Variants in LLGL2 observed in about 807,000 individuals in gnomAD.
LLGL2 encodes the protein LLGL scribble cell polarity complex component 2.
A neutral mutation model predicts 123.2 loss-of-function variants in LLGL2; 81 were observed. The observed-to-expected ratio is 0.66, with a 90% CI of 0.55 to 0.79. The LOEUF (loss-of-function observed/expected upper bound fraction) is 0.79, where lower values mean the gene tolerates loss of function less well. Ranked by LOEUF, LLGL2 falls within the 30% of genes least tolerant of loss-of-function variation. LLGL2 has a pLI of 0.00. For synonymous variants in LLGL2, 577 were observed against 594.1 expected (o/e 0.97, Z 0.42); for missense variants, 1,273 against 1,414.6 (o/e 0.90, Z 1.61).
At chr17:75,545,885 AGAT>A (rs1346322793) in intron 2 of LLGL2, among the ~76,000 whole-genome samples, 1 of 152,192 alleles carries the variant, frequency 6.6e-6, no homozygotes, top group Admixed American at 6.5e-5. Flanking sequence ...CAGCACTCAC[AGAT>A]GATATTTGAG....
Position 75,570,983 on chromosome 17 carries a change from G to T in LLGL2, c.2059G>T (p.Gly687Cys). Reference protein sequence around the residue: ...QEGSAKAERPGLQNMELAPVQ... With the variant: ...QEGSAKAERPCLQNMELAPVQ... ...GGGGAGTGCCAAGGCTGAGCGGCCA[G>T]GCCTCCAGAACATGGAGCTGGCGCC... Residue 687 changes from glycine to cysteine, a missense_variant, in exon 17 of 26, where the codon GGC (glycine) becomes TGC (cysteine). Transcript: ENST00000392550. 1 of 1,612,558 alleles carries T rather than the reference G, an allele frequency of 6.2e-7. No homozygotes were observed. Among genetic ancestry groups the T allele is most frequent in the Non-Finnish European group, 8.5e-7 (1 of 1,179,688 alleles).
At chr17:75,570,278 C>T (rs773318892) in intron 15 of LLGL2, 23 bp downstream of exon 15, 41 of 1,597,668 alleles carry the variant, frequency 2.6e-5, no homozygotes, top group Non-Finnish European at 3.3e-5. Flanking sequence ...GGCTGGGTCC[C>T]GGGGCTGGGA....
At chr17:75,573,457 G>A (rs754709487) in intron 20 of LLGL2, 24 bp from the exon 21 acceptor site, 45 of 1,595,230 alleles carry the variant, frequency 2.8e-5, no homozygotes, top group African/African-American at 1.1e-4. Context: ...AGGCCAGGCC[G>A]CTAGCATTGC....
chr17:75,566,115 G>A (rs1014299749), intron 10 of LLGL2, among the ~76,000 whole-genome samples: 4 of 152,242 alleles, frequency 2.6e-5, no homozygotes, highest in African/African-American at 9.6e-5. Context: ...GGGACCTGGG[G>A]TGCAGACTGA....
chr17:75,546,615 C>CT (rs2054438196), intron 2 of LLGL2, among the ~76,000 whole-genome samples: 1 of 41,788 alleles, frequency 2.4e-5, no homozygotes, highest in African/African-American at 6.4e-5. Context: ...AGCAGACAGG[C>CT]GGAGGGCAGG....
chr17:75,570,422 T>G lies in LLGL2; in HGVS notation c.1949T>G (p.Leu650Trp). ...LSRVKSLKKSLRQSFRRMRRS... is the reference protein window; with the variant it reads ...LSRVKSLKKSWRQSFRRMRRS... ...CGCGTCAAGTCCCTCAAGAAGTCCT[T>G]GCGTCAGTCATTCCGCCGGATGCGT... The change falls in exon 16 of 26, where the codon TTG (leucine) becomes TGG (tryptophan). Residue 650 changes from leucine to tryptophan, a missense_variant. Transcript: ENST00000392550. 12 of 1,608,206 alleles carry G rather than the reference T, an allele frequency of 7.5e-6. No individual in the cohort carries two copies. The highest frequency in any genetic ancestry group is 1.0e-5 in the Non-Finnish European group (12 of 1,178,100).
In LLGL2 at chr17:75,570,164, G is replaced by T. The variant is rs759341750; in HGVS notation, c.1783G>T (p.Ala595Ser). ...GCCCCCGGCTGTGGTCACCTCCTTG[G>T]CCCTGCACTCTGAGTGGCGGCTCGT... ...CQPPAVVTSLALHSEWRLVAF... is the reference protein window; with the variant it reads ...CQPPAVVTSLSLHSEWRLVAF... The change falls in exon 15 of 26, where the codon GCC becomes TCC. Residue 595 changes from alanine to serine, a missense_variant. Transcript: ENST00000392550. The T allele has an allele frequency of 6.3e-7, 1 of 1,594,342 alleles. No individual in the cohort carries two copies. The highest frequency in any genetic ancestry group is 1.1e-5 in the South Asian group (1 of 88,696).
At chr17:75,552,387 G>A (rs1805472398) in intron 2 of LLGL2, among the ~76,000 whole-genome samples, 1 of 152,194 alleles carries the variant, frequency 6.6e-6, no homozygotes, top group South Asian at 2.1e-4. Flanking sequence ...TCCTCAGGAG[G>A]CTGAGGCGGG....
At chr17:75,571,420 C>T (rs376856563) in intron 17 of LLGL2, 46 of 586,146 alleles carry the variant, frequency 7.8e-5, no homozygotes, top group African/African-American at 4.6e-4. Flanking sequence ...GCAGCTGTGA[C>T]GATCGGGGAC....
At chr17:75,571,121 T>TG (rs764035220) in intron 17 of LLGL2, 21 bp downstream of exon 17, 7 of 931,330 alleles carry the variant, frequency 7.5e-6, no homozygotes, top group Middle Eastern at 2.3e-4. Flanking sequence ...AGCCTGGGGT[T>TG]GGGGGGCAGG....
Position 75,559,073 on chromosome 17 carries a change from G to T in LLGL2, c.372-179G>T. 2 of 688,874 alleles carry T rather than the reference G, an allele frequency of 2.9e-6. No individual in the cohort carries two copies. The highest frequency in any genetic ancestry group is 4.7e-6 in the Non-Finnish European group (2 of 423,912). 42.7% of individuals were successfully genotyped at this position (688,874 alleles called of 1,614,324 possible). ...GCGTCTTTCCTGCCTCCTAGCCCAG[G>T]CTCTCTGCCATCTGTCTCCTGTCTT... is the stretch of plus-strand genomic sequence containing the variant. On this transcript the variant is annotated intron_variant, in intron 5 of 25. Coordinates refer to ENST00000392550, the MANE Select transcript of LLGL2 (RefSeq NM_001031803.2). This position sits in a 1 kb window ranked among gnomAD's most constrained non-coding sequence, Gnocchi z 4.6.
chr17:75,563,873 G>A (rs1000101001), intron 9 of LLGL2, 67 bp downstream of exon 9: 1 of 1,515,670 alleles, frequency 6.6e-7, no homozygotes, highest in South Asian at 1.1e-5. Context: ...GGTCACTTAG[G>A]CCTCTGCCTG....
At chr17:75,569,159 A>G in intron 13 of LLGL2, 28 bp downstream of exon 13, 1 of 1,612,908 alleles carries the variant, frequency 6.2e-7, no homozygotes, top group Non-Finnish European at 8.5e-7. Flanking sequence ...GGACCCAGGA[A>G]GGGCAGAGGC....
rs768986085 is a variant in LLGL2, at chr17:75,573,502, C to A, written c.2747C>A (p.Ser916Ter). 6.2e-7 allele frequency: 1 copy of A among 1,611,698 alleles called. No individual in the cohort carries two copies. ...YGQGFYLISP[S>*]EFERFSLSTK... is the part of the protein sequence containing the mutation. ...CCAGGCTTCTACCTGATCTCACCCT[C>A]GGAGTTTGAGCGCTTCTCTCTCTCC... Residue 916 changes from serine (S) to a stop codon, truncating the protein, a stop_gained, in exon 21 of 26, where the codon TCG becomes TAG. Coordinates refer to ENST00000392550, the MANE Select transcript of LLGL2 (RefSeq NM_001031803.2). LOFTEE classifies it high-confidence loss of function.
intron 6 of LLGL2, among the ~76,000 whole-genome samples, chr17:75,561,650 G>A (rs2147429788): frequency 6.6e-6 from 1 of 152,144 alleles, no homozygotes; most frequent in South Asian, 2.1e-4. Context: ...GCCGGGCGCG[G>A]TGGCTCACGC....
At chr17:75,537,976 A>T (rs561208905) in intron 1 of LLGL2, among the ~76,000 whole-genome samples, 9 of 152,014 alleles carry the variant, frequency 5.9e-5, no homozygotes, top group East Asian at 1.9e-4. Context: ...TACCTGGCTA[A>T]TTTTTTGTCT....
At chr17:75,563,486 A>G (rs775161804) in intron 8 of LLGL2, 23 bp downstream of exon 8, 1 of 1,610,106 alleles carries the variant, frequency 6.2e-7, no homozygotes, top group Non-Finnish European at 8.5e-7. Flanking sequence ...CCCGCCGGGC[A>G]GGGCCCACCC....
At chr17:75,551,364 G>A (rs1848115291) in intron 2 of LLGL2, among the ~76,000 whole-genome samples, 1 of 152,072 alleles carries the variant, frequency 6.6e-6, no homozygotes, top group Admixed American at 6.6e-5. Flanking sequence ...GAGAAATGAA[G>A]CTCAGGGAGG....
intron 1 of LLGL2, among the ~76,000 whole-genome samples, chr17:75,528,514 C>T (rs1461667132): frequency 2.0e-5 from 3 of 151,910 alleles, no homozygotes; most frequent in South Asian, 4.1e-4. Context: ...CAAGTTGGGC[C>T]GATCGCCTGA....
Sources: allele counts gnomAD v4.1 joint callset (sites outside exome capture counted in the v4.1 genomes callset), GRCh38; gene constraint gnomAD v4.1.1; non-coding constraint Gnocchi (gnomAD v3.1); transcripts MANE v1.5; gene names NCBI Gene and HGNC (gene_info 2026-07-23, HGNC 2026-07-21).